Variants in DNAJC3 observed in about 807,000 individuals in gnomAD.
DNAJC3 encodes DnaJ heat shock protein family (Hsp40) member C3.
Under a neutral mutation model 68.6 loss-of-function variants are expected in DNAJC3, and 38 were observed. That is an observed-to-expected ratio of 0.55 (90% CI 0.43 to 0.73). The LOEUF is 0.73. Ranked by LOEUF, DNAJC3 falls within the 30% of genes least tolerant of loss-of-function variation. DNAJC3 has a pLI of 0.00. For missense variants in DNAJC3, 526 were observed against 591.9 expected (o/e 0.89, Z 1.16); for synonymous variants, 203 against 204.0 (o/e 1.00, Z 0.04).
chr13:95,755,756 C>CAAAA (rs56659621), intron 4 of DNAJC3, among the ~76,000 whole-genome samples: 18 of 15,078 alleles, frequency 1.2e-3, no homozygotes, highest in South Asian at 2.5e-3. Context: ...GACGCCGTCT[C>CAAAA]AAAAAAAAAA....
At chr13:95,687,930 C>T (rs1487926038) in intron 1 of DNAJC3, among the ~76,000 whole-genome samples, 2 of 152,152 alleles carry the variant, frequency 1.3e-5, no homozygotes, top group African/African-American at 4.8e-5. Flanking sequence ...TTTCCATTTG[C>T]TTGTGTCATG....
In DNAJC3 at chr13:95,723,375, A is replaced by G; in HGVS notation, c.318+9A>G. Reference sequence around the variant, plus strand: ...AGATGGACTTCACTGCAGTAAGTATATCTCAACTTTCTTTAAAGGGGAACT... The same window carrying G: ...AGATGGACTTCACTGCAGTAAGTATGTCTCAACTTTCTTTAAAGGGGAACT... On this transcript the variant is annotated intron_variant, in intron 3 of 11. Transcript: ENST00000602402. The G allele has an allele frequency of 6.2e-7, 1 of 1,603,786 alleles. No homozygotes were observed. Among genetic ancestry groups the G allele is most frequent in the East Asian group, 2.2e-5 (1 of 44,766 alleles).
chr13:95,786,045 T>C lies in DNAJC3; in HGVS notation c.1182T>C (p.Asp394=). Reference sequence around the variant, plus strand: ...TATTGAAACAGTCGCAGAAACGAGATTATTATAAAATCTTGGGAGTAAAAA... The same window carrying C: ...TATTGAAACAGTCGCAGAAACGAGACTATTATAAAATCTTGGGAGTAAAAA... The part of the protein sequence containing the change: ...QRLLKQSQKR[D]YYKILGVKRN... The change falls in exon 10 of 12, where the codon GAT becomes GAC. Residue 394 remains aspartate (D), a synonymous_variant. Transcript: ENST00000602402. 1 of 1,606,818 alleles carries C rather than the reference T, an allele frequency of 6.2e-7. No homozygotes were observed. The highest frequency in any genetic ancestry group is 8.5e-7 in the Non-Finnish European group (1 of 1,177,734).
chr13:95,787,298 C>A, intron 11 of DNAJC3, 143 bp downstream of exon 11: 1 of 997,314 alleles, frequency 1.0e-6, no homozygotes, highest in Non-Finnish European at 1.4e-6. Flanking sequence ...TTTATGCCTG[C>A]CCTCATTCAG....
chr13:95,743,222 A>G (rs1428757744), intron 4 of DNAJC3, among the ~76,000 whole-genome samples: 1 of 152,234 alleles, frequency 6.6e-6, no homozygotes, highest in Admixed American at 6.5e-5. Flanking sequence ...TAAACTTAGC[A>G]GAGTTTATTT....
At chr13:95,688,501 T>C (rs1227414299) in intron 1 of DNAJC3, among the ~76,000 whole-genome samples, 1 of 150,686 alleles carries the variant, frequency 6.6e-6, no homozygotes, top group African/African-American at 2.5e-5. Context: ...TTGGATTTCA[T>C]AGACTGCTTT....
intron 9 of DNAJC3, among the ~76,000 whole-genome samples, chr13:95,769,223 T>C (rs914291783): frequency 1.3e-5 from 2 of 152,152 alleles, no homozygotes; most frequent in African/African-American, 4.8e-5. Context: ...GCTTGTGCCA[T>C]CAGGTCAGGC....
intron 4 of DNAJC3, among the ~76,000 whole-genome samples, chr13:95,747,074 G>A (rs937040928): frequency 1.3e-5 from 2 of 152,146 alleles, no homozygotes; most frequent in Non-Finnish European, 2.9e-5. Flanking sequence ...AAAAAGCAAC[G>A]ATAAATTTAA....
chr13:95,684,652 G>T (rs939658451), intron 1 of DNAJC3, among the ~76,000 whole-genome samples: 4 of 152,202 alleles, frequency 2.6e-5, no homozygotes, highest in African/African-American at 4.8e-5. Flanking sequence ...GCATCTCAGC[G>T]ACCTTTAAGG....
chr13:95,764,489 A>G (rs995147966), intron 9 of DNAJC3, among the ~76,000 whole-genome samples: 4 of 149,536 alleles, frequency 2.7e-5, no homozygotes, highest in African/African-American at 9.8e-5. Context: ...GCTGTTTAGT[A>G]ACATAGGACA....
intron 4 of DNAJC3, among the ~76,000 whole-genome samples, chr13:95,738,526 A>G (rs1405303205): frequency 2.0e-5 from 3 of 152,108 alleles, no homozygotes; most frequent in African/African-American, 7.2e-5. Flanking sequence ...GTGCATATAT[A>G]TTTAGGATAG....
intron 9 of DNAJC3, among the ~76,000 whole-genome samples, chr13:95,764,473 C>A (rs1882917839): frequency 6.7e-6 from 1 of 148,762 alleles, no homozygotes; most frequent in Non-Finnish European, 1.5e-5. Context: ...TCCTCTGTGA[C>A]CCCAAGCTGT....
rs1193979630 is a variant in DNAJC3, at chr13:95,704,851, G to GTTTTTTTTTTTTTTTTT, written c.83-4374_83-4358dup. Among the ~76,000 whole-genome samples the GTTTTTTTTTTTTTTTTT allele has an allele frequency of 6.2e-4, 61 of 97,822 alleles. 4 individuals are homozygous for GTTTTTTTTTTTTTTTTT. The highest frequency in any genetic ancestry group is 1.3e-3 in the African/African-American group (21 of 16,742). 64.2% of individuals were successfully genotyped at this position (97,822 alleles called of 152,430 possible). A position where few individuals can be genotyped will look rare whatever the true frequency, so the allele number is the denominator to read the frequency against. On this transcript the variant is annotated intron_variant, in intron 1 of 11. Coordinates refer to ENST00000602402, the MANE Select transcript of DNAJC3 (RefSeq NM_006260.5). The stretch of plus-strand genomic sequence containing the variant: ...AGAAAGGACTAATCTGTGTGTGTGT[G>GTTTTTTTTTTTTTTTTT]TTTTTTTTTTTTTTTTTTGAGACAG...
At chr13:95,701,947 T>C (rs2139617834) in intron 1 of DNAJC3, among the ~76,000 whole-genome samples, 1 of 152,324 alleles carries the variant, frequency 6.6e-6, no homozygotes. Flanking sequence ...CCTATACCCA[T>C]CATCTAGATT....
At chr13:95,768,211 CTACT>C (rs1391571895) in intron 9 of DNAJC3, among the ~76,000 whole-genome samples, 24 of 152,186 alleles carry the variant, frequency 1.6e-4, no homozygotes, top group South Asian at 1.5e-3. Flanking sequence ...ACTTTTTACT[CTACT>C]TATCTGTAAA....
At chr13:95,697,272 G>A (rs1043243955) in intron 1 of DNAJC3, among the ~76,000 whole-genome samples, 11 of 152,010 alleles carry the variant, frequency 7.2e-5, no homozygotes, top group Admixed American at 2.6e-4. Context: ...TTTCTCTTTC[G>A]TTTATGAAGC....
At chr13:95,678,934 T>C (rs548601108) in intron 1 of DNAJC3, among the ~76,000 whole-genome samples, 2 of 152,296 alleles carry the variant, frequency 1.3e-5, no homozygotes, top group African/African-American at 4.8e-5. Flanking sequence ...CCAGAGTGTC[T>C]TCTTTAGGAC....
chr13:95,761,911 G>A (rs1882834353), intron 7 of DNAJC3, among the ~76,000 whole-genome samples: 1 of 152,012 alleles, frequency 6.6e-6, no homozygotes, highest in South Asian at 2.1e-4. Context: ...GGCAGGATGG[G>A]CTTTTTTCCC....
Position 95,710,475 on chromosome 13 carries a change from C to A in DNAJC3, c.193+1138C>A, listed in dbSNP as rs555751881. On this transcript the variant is annotated intron_variant, in intron 2 of 11. Coordinates refer to ENST00000602402, the MANE Select transcript of DNAJC3 (RefSeq NM_006260.5). ...GAAACTCGTGGGCTCAAGCAGTCCT[C>A]CTGCCTTGGCCTCCTAGAGTGTTGA... 2.0e-5 allele frequency among the ~76,000 whole-genome samples: 3 copies of A among 152,254 alleles called. No homozygotes were observed. The South Asian group carries it at 6.2e-4, about 32-fold the overall frequency.
Sources: allele counts gnomAD v4.1 joint callset (sites outside exome capture counted in the v4.1 genomes callset), GRCh38; gene constraint gnomAD v4.1.1; transcripts MANE v1.5; gene names NCBI Gene and HGNC (gene_info 2026-07-23, HGNC 2026-07-21).